The following PDE2A variants were observed in gnomAD, a reference collection of about 807,000 sequenced individuals.
PDE2A encodes cGMP-dependent 3',5'-cyclic phosphodiesterase.
In PDE2A, 53 loss-of-function variants were observed where a neutral mutation model predicts 133.6. The ratio of observed to expected loss-of-function variants is 0.40; its 90% confidence interval spans 0.32 to 0.50. PDE2A has a LOEUF of 0.50. PDE2A is among the 20% of genes least tolerant of loss of function. PDE2A has a pLI of 0.73. For missense variants in PDE2A, 796 were observed against 1,232.4 expected (o/e 0.65, Z 5.30); for synonymous variants, 491 against 490.2 (o/e 1.00, Z -0.02).
chr11:72,611,021 G>A (rs1033380027), intron 2 of PDE2A, among the ~76,000 whole-genome samples: 2 of 152,196 alleles, frequency 1.3e-5, no homozygotes, highest in African/African-American at 2.4e-5. Flanking sequence ...CTCCCCAGAC[G>A]GGGGCTCTAA....
At chr11:72,596,429 C>A (rs1346189451) in intron 6 of PDE2A, among the ~76,000 whole-genome samples, 164 bp downstream of exon 6, 2 of 149,576 alleles carry the variant, frequency 1.3e-5, no homozygotes, top group Admixed American at 6.7e-5. Context: ...CCCCATTTCC[C>A]CTCACTCCAT....
chr11:72,578,166 T>C lies in PDE2A; in HGVS notation c.2615+67A>G. ...GGCCAATCTCAGCACCTGTGTTTCC[T>C]GTGATGTCCCCACTCCAGCCTACCC... On this transcript the variant is annotated intron_variant, in intron 30 of 30. Transcript: ENST00000334456. This position sits in a 1 kb window ranked among gnomAD's most constrained non-coding sequence, Gnocchi z 4.2. 9.9e-7 allele frequency: 1 copy of C among 1,007,990 alleles called. No individual in the cohort carries two copies. Among genetic ancestry groups the C allele is most frequent in the Non-Finnish European group, 1.6e-6 (1 of 632,232 alleles). The allele number at this position is 1,007,990 out of a possible 1,614,324, so 62.4% of individuals were successfully genotyped here. A position where few individuals can be genotyped will look rare whatever the true frequency, so the allele number is the denominator to read the frequency against.
chr11:72,643,473 C>T (rs553193905), intron 1 of PDE2A: 1 of 152,552 alleles, frequency 6.6e-6, no homozygotes, highest in East Asian at 1.9e-4. Flanking sequence ...TTTCTCATCT[C>T]CCTCACAGGA....
At chr11:72,579,153 G>A in intron 27 of PDE2A, 131 bp downstream of exon 27, 1 of 945,916 alleles carries the variant, frequency 1.1e-6, no homozygotes, top group Non-Finnish European at 1.7e-6. Context: ...GGTCTGCCTG[G>A]GGGGGGCCGT....
rs1855118396 is a variant in PDE2A, at chr11:72,663,046, CAGT to C, written c.71+11088_71+11090del. Reference sequence around the variant, plus strand: ...TTTTCTCCTCCACCTGGAAAACTCTCAGTTGTTCTTTAAGGCTAAGACCCAGCA... The same window carrying C: ...TTTTCTCCTCCACCTGGAAAACTCTCTGTTCTTTAAGGCTAAGACCCAGCA... On this transcript the variant is annotated intron_variant, in intron 1 of 30. Transcript: ENST00000334456. Among the ~76,000 whole-genome samples the C allele has an allele frequency of 2.6e-5, 4 of 152,308 alleles. No homozygotes were observed. The South Asian group carries it at 8.3e-4, about 32-fold the overall frequency.
chr11:72,632,796 C>T (rs1030331337), intron 2 of PDE2A, among the ~76,000 whole-genome samples: 1 of 152,072 alleles, frequency 6.6e-6, no homozygotes, highest in Non-Finnish European at 1.5e-5. Context: ...CCACCACCCC[C>T]AGGACAGGTT....
At chr11:72,652,467 A>G (rs952690014) in intron 1 of PDE2A, 2 of 454,198 alleles carry the variant, frequency 4.4e-6, no homozygotes, top group Non-Finnish European at 8.8e-6. Flanking sequence ...GTCCTCCCTA[A>G]ATACTCCAGC....
At chr11:72,594,966 C>T (rs1461917102) in intron 6 of PDE2A, among the ~76,000 whole-genome samples, 1 of 152,058 alleles carries the variant, frequency 6.6e-6, no homozygotes, top group Non-Finnish European at 1.5e-5. Context: ...CCCAGCCTGC[C>T]GCAGGACCAG....
intron 1 of PDE2A, chr11:72,652,504 C>A (rs1040703884): frequency 4.4e-6 from 2 of 455,650 alleles, no homozygotes; most frequent in Non-Finnish European, 8.8e-6. Context: ...CCAGCCTCCA[C>A]CCCTTTGCTT....
At chr11:72,606,014 G>T (rs532811841) in intron 3 of PDE2A, among the ~76,000 whole-genome samples, 1 of 152,150 alleles carries the variant, frequency 6.6e-6, no homozygotes, top group South Asian at 2.1e-4. Context: ...ACAGGGAGAC[G>T]TGAGCAGATT....
rs1855484508 is a variant in PDE2A at position 72,576,575 on chromosome 11, G to C, written c.*809C>G. ...TCTGCTGGGACTCCGCAGAGCGATA[G>C]AGCTATTTTAGACATTGATCTAAAA... On this transcript the variant is annotated 3_prime_UTR_variant, in exon 31 of 31. Coordinates refer to ENST00000334456, the MANE Select transcript of PDE2A (RefSeq NM_002599.5). The C allele has an allele frequency of 1.2e-5, 2 of 169,510 alleles. No individual in the cohort carries two copies. Among genetic ancestry groups the C allele is most frequent in the Admixed American group, 1.3e-4 (2 of 15,296 alleles). The allele number at this position is 169,510 out of a possible 1,614,324, so 10.5% of individuals were successfully genotyped here. A position where few individuals can be genotyped will look rare whatever the true frequency, so the allele number is the denominator to read the frequency against.
Position 72,590,049 on chromosome 11 carries a change from C to G in PDE2A, c.757-68G>C. 1 of 1,450,728 alleles carries G rather than the reference C, an allele frequency of 6.9e-7. No individual in the cohort carries two copies. Among genetic ancestry groups the G allele is most frequent in the Non-Finnish European group, 9.5e-7 (1 of 1,056,458 alleles). The allele number at this position is 1,450,728 out of a possible 1,614,324, so 89.9% of individuals were successfully genotyped here. A position where few individuals can be genotyped will look rare whatever the true frequency, so the allele number is the denominator to read the frequency against. Reference sequence around the variant, plus strand: ...GGGTCACCCCACTCCCCACCTGCTCCCCTCTCCGGGGCTCTTCAGGCGGGT... The same window carrying G: ...GGGTCACCCCACTCCCCACCTGCTCGCCTCTCCGGGGCTCTTCAGGCGGGT... On this transcript the variant is annotated intron_variant, in intron 9 of 30. Transcript: ENST00000334456. The surrounding 1 kb of genome is among the most constrained non-coding windows in gnomAD (Gnocchi z 4.8).
intron 2 of PDE2A, among the ~76,000 whole-genome samples, chr11:72,608,980 G>A (rs1423020522): frequency 6.6e-6 from 1 of 152,234 alleles, no homozygotes; most frequent in Non-Finnish European, 1.5e-5. Flanking sequence ...AAGGGCCAGG[G>A]ACTTAGCAAA....
At chr11:72,579,121 G>A in intron 27 of PDE2A, 112 bp from the exon 28 acceptor site, 2 of 942,748 alleles carry the variant, frequency 2.1e-6, no homozygotes, top group Non-Finnish European at 3.4e-6. Context: ...CACCCTTGAT[G>A]GGAGCCAAGG....
chr11:72,585,211 CAGTCT>C (rs1402451359), intron 16 of PDE2A, among the ~76,000 whole-genome samples, 155 bp downstream of exon 16: 1 of 151,608 alleles, frequency 6.6e-6, no homozygotes, highest in Non-Finnish European at 1.5e-5. Context: ...TTGGAGCCTA[CAGTCT>C]AGCGAGGGAG....
chr11:72,596,184 C>T (rs974049061), intron 6 of PDE2A, among the ~76,000 whole-genome samples: 1 of 152,200 alleles, frequency 6.6e-6, no homozygotes, highest in African/African-American at 2.4e-5. Context: ...TCACTTGGTT[C>T]ATGCCCTCCT....
At chr11:72,614,664 C>G (rs962943335) in intron 2 of PDE2A, among the ~76,000 whole-genome samples, 3 of 152,180 alleles carry the variant, frequency 2.0e-5, no homozygotes, top group Non-Finnish European at 4.4e-5. Flanking sequence ...GACCACACCT[C>G]GAGACCCACT....
At chr11:72,592,284 G>A (rs1856285947) in intron 6 of PDE2A, among the ~76,000 whole-genome samples, 3 of 152,200 alleles carry the variant, frequency 2.0e-5, no homozygotes, top group African/African-American at 7.2e-5. Flanking sequence ...CTCACCACCT[G>A]CAGAGCTCCC....
chr11:72,672,877 C>T lies in PDE2A; in HGVS notation c.71+1260G>A, dbSNP rs576962840. On this transcript the variant is annotated intron_variant, in intron 1 of 30. Coordinates refer to ENST00000334456, the MANE Select transcript of PDE2A (RefSeq NM_002599.5). ...TTCAAAGAGGCGGTCATACATTCAGCCCCTCCCTGCCCTGCATCAGTGGGC... is the reference window on the plus strand; with the variant it reads ...TTCAAAGAGGCGGTCATACATTCAGTCCCTCCCTGCCCTGCATCAGTGGGC... 2.0e-5 allele frequency among the ~76,000 whole-genome samples: 3 copies of T among 152,218 alleles called. No homozygotes were observed. In the South Asian group the frequency reaches 6.2e-4, roughly 32 times the overall value.
Sources: allele counts gnomAD v4.1 joint callset (sites outside exome capture counted in the v4.1 genomes callset), GRCh38; gene constraint gnomAD v4.1.1; non-coding constraint Gnocchi (gnomAD v3.1); transcripts MANE v1.5; gene names NCBI Gene and HGNC (gene_info 2026-07-23, HGNC 2026-07-21).